Variants in HECTD4 observed in about 807,000 individuals in gnomAD.
HECTD4 encodes HECT domain E3 ubiquitin protein ligase 4.
A neutral mutation model predicts 471.5 loss-of-function variants in HECTD4; 114 were observed. That is an observed-to-expected ratio of 0.24 (90% CI 0.21 to 0.28). The LOEUF (loss-of-function observed/expected upper bound fraction) is 0.28. Ranked by LOEUF, HECTD4 falls within the 10% of genes least tolerant of loss-of-function variation. The pLI is 1.00. For synonymous variants in HECTD4, 2,012 were observed against 2,256.0 expected (o/e 0.89, Z 3.07); for missense variants, 3,866 against 5,651.5 (o/e 0.68, Z 10.13).
intron 35 of HECTD4, among the ~76,000 whole-genome samples, chr12:112,236,687 G>C (rs1392933311): frequency 6.6e-6 from 1 of 152,194 alleles, no homozygotes; most frequent in East Asian, 1.9e-4. Context: ...AAGGTTAGCA[G>C]CTGCTGTCAG....
rs1303584542 is a variant in HECTD4 at position 112,381,520 on chromosome 12, G to T, written c.177+432C>A. ...AAAAAACAGAACTAGGGAAGAAAAG[G>T]ATGGGAGGGTACACAGCGTGAAAAT... On this transcript the variant is annotated intron_variant, in intron 1 of 75. Transcript: ENST00000682272. This position sits in a 1 kb window ranked among gnomAD's most constrained non-coding sequence, Gnocchi z 4.1. 2.0e-5 allele frequency among the ~76,000 whole-genome samples: 3 copies of T among 152,162 alleles called. No homozygotes were observed. Among genetic ancestry groups the T allele is most frequent in the Non-Finnish European group, 4.4e-5 (3 of 68,032 alleles).
At chr12:112,226,851 C>A in intron 43 of HECTD4, 93 bp from the exon 44 acceptor site, 1 of 896,682 alleles carries the variant, frequency 1.1e-6, no homozygotes, top group Non-Finnish European at 1.7e-6. Flanking sequence ...AATTTTGCCC[C>A]CCAGTTTACA....
chr12:112,217,355 AC>A (rs2032952602), intron 45 of HECTD4, among the ~76,000 whole-genome samples, 160 bp from the exon 46 acceptor site: 1 of 151,690 alleles, frequency 6.6e-6, no homozygotes, highest in African/African-American at 2.4e-5. Context: ...ACACACACAC[AC>A]AATTTATTTA....
Position 112,184,337 on chromosome 12 carries a change from G to C in HECTD4, c.10629C>G (p.Thr3543=). The C allele has an allele frequency of 1.2e-6, 2 of 1,612,994 alleles. No individual in the cohort carries two copies. The highest frequency in any genetic ancestry group is 1.7e-6 in the Non-Finnish European group (2 of 1,179,782). ...QESLDISLCS[T]GSLGSLGSLG... ...GGCTGCCCAGGCTGCCCAGGCTGCC[G>C]GTGCTGCACAGGGAAATGTCCAGGC... Residue 3543 remains threonine, a synonymous_variant, in exon 61 of 76, where the codon ACC becomes ACG. Transcript: ENST00000682272. The surrounding 1 kb of genome is among the most constrained non-coding windows in gnomAD (Gnocchi z 9.1).
chr12:112,355,458 G>A (rs1211491453), intron 1 of HECTD4, among the ~76,000 whole-genome samples: 2 of 137,706 alleles, frequency 1.5e-5, no homozygotes, highest in Non-Finnish European at 3.1e-5. Flanking sequence ...AAGAGACTCC[G>A]TCTCAAAAAT....
chr12:112,172,689 TG>T lies in HECTD4; in HGVS notation c.11766del (p.Arg3923GlufsTer6). 6.2e-7 allele frequency: 1 copy of T among 1,613,940 alleles called. No homozygotes were observed. The highest frequency in any genetic ancestry group is 8.5e-7 in the Non-Finnish European group (1 of 1,179,872). On this transcript the variant is annotated frameshift_variant, in exon 67 of 76. Transcript: ENST00000682272. LOFTEE classifies it high-confidence loss of function. ...VYLDPADAAD[P>X]RVACLLNVPI... ...CACATACTCAGGAGACAGGCCACTC[TG>T]GGGTCAGCAGCATCCGCGGGGTCCA...
rs1224421607 is a variant in HECTD4 at position 112,200,817 on chromosome 12, A to T, written c.8407-19T>A. ...CATTCACCTACAATAGGAAAAGAAA[A>T]TGTCTGTTTGTGCTGTTTGCTTTTG... On this transcript the variant is annotated intron_variant, in intron 54 of 75. Coordinates refer to ENST00000682272, the MANE Select transcript of HECTD4 (RefSeq NM_001388303.1). The T allele has an allele frequency of 6.2e-7, 1 of 1,605,524 alleles. No individual in the cohort carries two copies. Among genetic ancestry groups the T allele is most frequent in the Non-Finnish European group, 8.5e-7 (1 of 1,173,960 alleles).
At chr12:112,361,144 T>C (rs1406470497) in intron 1 of HECTD4, among the ~76,000 whole-genome samples, 1 of 152,142 alleles carries the variant, frequency 6.6e-6, no homozygotes, top group African/African-American at 2.4e-5. Context: ...AACAAAAACT[T>C]GAGGGACCCA....
intron 52 of HECTD4, among the ~76,000 whole-genome samples, chr12:112,205,583 G>GTTTCTT (rs1265545702): frequency 2.0e-5 from 3 of 151,940 alleles, no homozygotes; most frequent in Non-Finnish European, 2.9e-5. Flanking sequence ...TGAGGGTAAC[G>GTTTCTT]TTTCTTTTTC....
intron 1 of HECTD4, among the ~76,000 whole-genome samples, chr12:112,341,270 G>C (rs1399862374): frequency 6.6e-6 from 1 of 152,152 alleles, no homozygotes; most frequent in Non-Finnish European, 1.5e-5. Flanking sequence ...AGGAGCAACA[G>C]ACACAATAAG....
At chr12:112,281,435 C>A (rs1032046467) in intron 8 of HECTD4, among the ~76,000 whole-genome samples, 1 of 152,140 alleles carries the variant, frequency 6.6e-6, no homozygotes, top group South Asian at 2.1e-4. Context: ...TTTCAACAAG[C>A]ATTCTTTTAG....
chr12:112,217,167 C>T lies in HECTD4; in HGVS notation c.7103G>A (p.Arg2368Gln), dbSNP rs763861543. The part of the protein sequence containing the change: ...QPKEITWSPS[R>Q]VFPPVRACMF... ...GCAGGCTCGAACAGGCGGAAACACT[C>T]GCGAGGGGCTCCAAGTAATCTCTTT... The change falls in exon 46 of 76, where the codon CGA (arginine) becomes CAA (glutamine). Residue 2368 changes from arginine to glutamine, a missense_variant. Coordinates refer to ENST00000682272, the MANE Select transcript of HECTD4 (RefSeq NM_001388303.1). 7 of 1,533,480 alleles carry T rather than the reference C, an allele frequency of 4.6e-6. No individual in the cohort carries two copies. Among genetic ancestry groups the T allele is most frequent in the African/African-American group, 2.8e-5 (2 of 72,208 alleles). The allele number at this position is 1,533,480 out of a possible 1,614,324, so 95.0% of individuals were successfully genotyped here.
chr12:112,330,946 T>C (rs1566114416), intron 1 of HECTD4, among the ~76,000 whole-genome samples: 1 of 152,214 alleles, frequency 6.6e-6, no homozygotes, highest in Non-Finnish European at 1.5e-5. Flanking sequence ...TTCTCAATCC[T>C]GAATATTAGA....
intron 41 of HECTD4, among the ~76,000 whole-genome samples, chr12:112,229,327 A>AAAACAAACAAAC (rs111958992): frequency 2.0e-5 from 3 of 151,326 alleles, no homozygotes; most frequent in Non-Finnish European, 2.9e-5. Context: ...ACTCTGTCTC[A>AAAACAAACAAAC]AAACAAACAA....
chr12:112,211,857 A>G (rs1445057578), intron 49 of HECTD4, among the ~76,000 whole-genome samples: 2 of 152,198 alleles, frequency 1.3e-5, no homozygotes, highest in Admixed American at 1.3e-4. Flanking sequence ...AGTTAGGCTA[A>G]GTCTTGGTCA....
chr12:112,319,133 T>G lies in HECTD4; in HGVS notation c.695+92A>C, dbSNP rs1443086010. On this transcript the variant is annotated intron_variant, in intron 2 of 75. Coordinates refer to ENST00000682272, the MANE Select transcript of HECTD4 (RefSeq NM_001388303.1). This position sits in a 1 kb window ranked among gnomAD's most constrained non-coding sequence, Gnocchi z 5.3. ...AAGAAGGACTTCTGAATGTTAAGACTTCTATCAAATATACTTGGCCTCTTC... is the reference window on the plus strand; with the variant it reads ...AAGAAGGACTTCTGAATGTTAAGACGTCTATCAAATATACTTGGCCTCTTC... 48 of 1,245,820 alleles carry G rather than the reference T, an allele frequency of 3.9e-5. No individual in the cohort carries two copies. The highest frequency in any genetic ancestry group is 2.6e-4 in the Admixed American group (11 of 41,922). The allele number at this position is 1,245,820 out of a possible 1,614,324, so 77.2% of individuals were successfully genotyped here.
rs1279149790 is a variant in HECTD4 at position 112,193,027 on chromosome 12, C to T, written c.9086+34G>A. ...CCAGAATTCATTTAGCTTTCCTCTC[C>T]CCATCACCATCTTCTTGAGAACAGG... On this transcript the variant is annotated intron_variant, in intron 58 of 75. Transcript: ENST00000682272. This position sits in a 1 kb window ranked among gnomAD's most constrained non-coding sequence, Gnocchi z 5.2. 1.9e-6 allele frequency: 3 copies of T among 1,612,234 alleles called. No individual in the cohort carries two copies. The East Asian group carries it at 6.7e-5, about 36-fold the overall frequency.
intron 1 of HECTD4, among the ~76,000 whole-genome samples, chr12:112,377,368 C>G (rs2036802104): frequency 6.6e-6 from 1 of 152,082 alleles, no homozygotes; most frequent in African/African-American, 2.4e-5. Context: ...TTATCATTTG[C>G]CTCTATGTCA....
chr12:112,316,358 T>A (rs1204178537), intron 2 of HECTD4, among the ~76,000 whole-genome samples: 2 of 152,162 alleles, frequency 1.3e-5, no homozygotes, highest in African/African-American at 4.8e-5. Context: ...TCATTCTCTA[T>A]CAAAATATCT....
Sources: allele counts gnomAD v4.1 joint callset (sites outside exome capture counted in the v4.1 genomes callset), GRCh38; gene constraint gnomAD v4.1.1; non-coding constraint Gnocchi (gnomAD v3.1); transcripts MANE v1.5; gene names NCBI Gene and HGNC (gene_info 2026-07-23, HGNC 2026-07-21).